TULP3: variants seen among roughly 807,000 people sequenced by gnomAD.
The protein encoded by TULP3 is tubby-related protein 3.
A neutral mutation model predicts 50.7 loss-of-function variants in TULP3; 38 were observed. That is an observed-to-expected ratio of 0.75 (90% confidence interval 0.58 to 0.98). The LOEUF (loss-of-function observed/expected upper bound fraction) is 0.98, where lower values mean the gene tolerates loss of function less well. Ranked by LOEUF, TULP3 falls within the 50% of genes least tolerant of loss-of-function variation. The pLI, the probability that TULP3 is intolerant of heterozygous loss-of-function variation, is 0.00. For missense variants in TULP3, 550 were observed against 568.0 expected (o/e 0.97, Z 0.32); for synonymous variants, 183 against 196.6 (o/e 0.93, Z 0.58).
At chr12:2,899,290 A>G (rs1175645691) in intron 1 of TULP3, among the ~76,000 whole-genome samples, 1 of 142,476 alleles carries the variant, frequency 7.0e-6, no homozygotes, top group African/African-American at 2.7e-5. Context: ...GGTTGTGGTG[A>G]GCTGAGATCA....
chr12:2,922,209 T>C (rs2098192192), intron 3 of TULP3, 53 bp from the exon 4 acceptor site: 2 of 1,580,894 alleles, frequency 1.3e-6, no homozygotes, highest in East Asian at 2.3e-5. Context: ...TCTACCCAAC[T>C]AGTGAATAAT....
rs1200541197 is a variant in TULP3 at position 2,936,579 on chromosome 12, T to TG, written c.925-1052_925-1051insG. ...CAACATGGAGAAACCCCGTCTCGAC[T>TG]AAAAAAAAAAAAAAAATACAAAATT... On this transcript the variant is annotated intron_variant, in intron 8 of 10. Coordinates refer to ENST00000448120, the MANE Select transcript of TULP3 (RefSeq NM_003324.5). Among the ~76,000 whole-genome samples the TG allele has an allele frequency of 2.7e-3, 365 of 134,738 alleles. 1 individual carries two copies. Among genetic ancestry groups the TG allele is most frequent in the Non-Finnish European group, 4.5e-3 (283 of 62,518 alleles). The allele number at this position is 134,738 out of a possible 152,430, so 88.4% of individuals were successfully genotyped here.
chr12:2,904,251 C>A (rs1347490440), intron 1 of TULP3, among the ~76,000 whole-genome samples: 4 of 152,198 alleles, frequency 2.6e-5, no homozygotes, highest in Admixed American at 2.6e-4. Flanking sequence ...AGGTTCACCA[C>A]ATTGTCAGAA....
At chr12:2,937,139 T>C (rs1390784117) in intron 8 of TULP3, among the ~76,000 whole-genome samples, 2 of 145,766 alleles carry the variant, frequency 1.4e-5, no homozygotes, top group Non-Finnish European at 3.0e-5. Flanking sequence ...AGATATAATA[T>C]TACTTTCCTG....
At position 2,938,250 on chromosome 12, in the gene TULP3, CTG is replaced by C. The variant is rs773947722; in HGVS notation, c.1163_1164del (p.Val388GlufsTer10). ...TTCCGTGGCCGGGTCACTCAGGCGT[CTG>C]TGAAGAACTTCCAGATAGTCCACAA... On this transcript the variant is annotated frameshift_variant, in exon 10 of 11. Coordinates refer to ENST00000448120, the MANE Select transcript of TULP3 (RefSeq NM_003324.5). LOFTEE classifies it high-confidence loss of function. 1.2e-6 allele frequency: 2 copies of C among 1,614,134 alleles called. No homozygotes were observed. The highest frequency in any genetic ancestry group is 1.7e-6 in the Non-Finnish European group (2 of 1,180,014).
At chr12:2,921,605 G>A (rs760312161) in intron 3 of TULP3, among the ~76,000 whole-genome samples, 23 of 152,172 alleles carry the variant, frequency 1.5e-4, no homozygotes, top group Non-Finnish European at 7.3e-5. Flanking sequence ...ATGGGGAGGG[G>A]CGGAGGAAGA....
intron 8 of TULP3, among the ~76,000 whole-genome samples, chr12:2,936,032 C>T (rs1362133545): frequency 1.3e-5 from 2 of 151,376 alleles, no homozygotes; most frequent in African/African-American, 2.4e-5. Context: ...TTTGGGAGGC[C>T]GAGGCCGGTG....
At chr12:2,916,912 C>G (rs2098188988) in intron 2 of TULP3, among the ~76,000 whole-genome samples, 1 of 152,098 alleles carries the variant, frequency 6.6e-6, no homozygotes, top group African/African-American at 2.4e-5. Flanking sequence ...AGTCATTGGT[C>G]TAAATGAGTT....
At chr12:2,900,876 C>CTTTTT (rs57315328) in intron 1 of TULP3, among the ~76,000 whole-genome samples, 17 of 127,316 alleles carry the variant, frequency 1.3e-4, no homozygotes, top group Non-Finnish European at 2.6e-4. Flanking sequence ...AGCCGAAATA[C>CTTTTT]TTTTTTTTTT....
chr12:2,905,562 G>A (rs1603504110), intron 1 of TULP3, among the ~76,000 whole-genome samples: 1 of 152,060 alleles, frequency 6.6e-6, no homozygotes, highest in Non-Finnish European at 1.5e-5. Context: ...CTTAGAACTC[G>A]GAGAAAGTGT....
At position 2,931,149 on chromosome 12, in the gene TULP3, T is replaced by G. The variant is rs764314917; in HGVS notation, c.605T>G (p.Val202Gly). ...AGTCCTGCCCCTCAAGGTGTCACAG[T>G]AAGATGTCGGATAATCCGGGATAAA... The part of the protein sequence containing the change: ...VYSPAPQGVT[V>G]RCRIIRDKRG... Residue 202 changes from valine to glycine, a missense_variant, in exon 6 of 11, where the codon GTA becomes GGA. Coordinates refer to ENST00000448120, the MANE Select transcript of TULP3 (RefSeq NM_003324.5). 6.2e-7 allele frequency: 1 copy of G among 1,614,128 alleles called. No individual in the cohort carries two copies. The highest frequency in any genetic ancestry group is 8.5e-7 in the Non-Finnish European group (1 of 1,180,040).
At chr12:2,931,445 A>T (rs1299995378) in intron 6 of TULP3, among the ~76,000 whole-genome samples, 1 of 152,252 alleles carries the variant, frequency 6.6e-6, no homozygotes, top group Admixed American at 6.5e-5. Context: ...CCTCCCACAA[A>T]TAAGAGCTTT....
intron 1 of TULP3, 110 bp downstream of exon 1, chr12:2,891,098 G>A: frequency 7.7e-7 from 1 of 1,290,480 alleles, no homozygotes; most frequent in East Asian, 2.9e-5. Flanking sequence ...CTCGGGACTT[G>A]GCGACTCAGG....
At chr12:2,898,988 A>G (rs2098177228) in intron 1 of TULP3, among the ~76,000 whole-genome samples, 1 of 152,098 alleles carries the variant, frequency 6.6e-6, no homozygotes, top group South Asian at 2.1e-4. Flanking sequence ...TGGAATTTGA[A>G]TTTAATATAA....
chr12:2,921,595 A>T (rs555094064), intron 3 of TULP3, among the ~76,000 whole-genome samples: 2 of 152,122 alleles, frequency 1.3e-5, no homozygotes, highest in African/African-American at 2.4e-5. Context: ...ATCATCTGAG[A>T]TGGGGAGGGG....
At chr12:2,938,599 T>C (rs1403328164) in intron 10 of TULP3, among the ~76,000 whole-genome samples, 1 of 150,648 alleles carries the variant, frequency 6.6e-6, no homozygotes, top group Non-Finnish European at 1.5e-5. Flanking sequence ...CTGGGCAACA[T>C]GGTGTGAAAC....
chr12:2,905,199 T>C (rs1305934818), intron 1 of TULP3, among the ~76,000 whole-genome samples: 2 of 151,028 alleles, frequency 1.3e-5, no homozygotes, highest in Non-Finnish European at 3.0e-5. Flanking sequence ...TTTTTTTTTT[T>C]CCTTTGAGAC....
chr12:2,904,907 C>T (rs1048406139), intron 1 of TULP3, among the ~76,000 whole-genome samples: 8 of 151,830 alleles, frequency 5.3e-5, no homozygotes, highest in African/African-American at 1.9e-4. Context: ...GAGTTTGAGA[C>T]GAACCTGGCC....
chr12:2,929,239 C>T (rs2098196454), intron 4 of TULP3, among the ~76,000 whole-genome samples: 1 of 151,966 alleles, frequency 6.6e-6, no homozygotes, highest in East Asian at 2.0e-4. Context: ...GTGGCGTGAA[C>T]CCGGGAGGCG....
Sources: allele counts gnomAD v4.1 joint callset (sites outside exome capture counted in the v4.1 genomes callset), GRCh38; gene constraint gnomAD v4.1.1; transcripts MANE v1.5; gene names NCBI Gene and HGNC (gene_info 2026-07-23, HGNC 2026-07-21).